BBS9: variants seen among roughly 807,000 people sequenced by gnomAD.
BBS9 encodes protein PTHB1.
Under a neutral mutation model 117.7 loss-of-function variants are expected in BBS9, and 89 were observed. The observed-to-expected ratio is 0.76, with a 90% CI of 0.64 to 0.90. The LOEUF is 0.90. BBS9 is among the 40% of genes least tolerant of loss of function. The probability of loss-of-function intolerance (pLI) is 0.00; values close to 1 mark genes in which losing one functional copy is unlikely to be tolerated. For missense variants in BBS9, 982 were observed against 1,042.2 expected, an observed-to-expected ratio of 0.94 and a Z score of 0.80; for synonymous variants, 379 against 370.9, an observed-to-expected ratio of 1.02 and a Z score of -0.25.
At chr7:33,387,306 T>G (rs928670885) in intron 18 of BBS9, among the ~76,000 whole-genome samples, 1 of 152,180 alleles carries the variant, frequency 6.6e-6, no homozygotes, top group Non-Finnish European at 1.5e-5. Context: ...TATGTAAAAC[T>G]TTGCCCATTT....
chr7:33,146,531 C>A (rs534944325), intron 2 of BBS9, among the ~76,000 whole-genome samples, 167 bp downstream of exon 2: 1 of 152,004 alleles, frequency 6.6e-6, no homozygotes, highest in African/African-American at 2.4e-5. Context: ...GAAACACTGT[C>A]TCTACTAAAA....
At chr7:33,352,551 T>A (rs1818857519) in intron 14 of BBS9, among the ~76,000 whole-genome samples, 1 of 152,234 alleles carries the variant, frequency 6.6e-6, no homozygotes, top group South Asian at 2.1e-4. Flanking sequence ...GAGTCTTTTT[T>A]GCTGTTTGGC....
intron 7 of BBS9, 146 bp from the exon 8 acceptor site, chr7:33,272,864 TAA>T: frequency 1.2e-6 from 1 of 823,338 alleles, no homozygotes; most frequent in Non-Finnish European, 2.0e-6. Context: ...GTCATAGTGA[TAA>T]AAAAAAGAAT....
intron 19 of BBS9, among the ~76,000 whole-genome samples, chr7:33,441,744 G>T (rs1210806082): frequency 2.0e-5 from 3 of 152,010 alleles, no homozygotes; most frequent in Non-Finnish European, 2.9e-5. Context: ...TTTTTGATTT[G>T]ATTTCTTTCC....
intron 4 of BBS9, among the ~76,000 whole-genome samples, chr7:33,173,452 G>A (rs966013434): frequency 2.6e-5 from 4 of 151,716 alleles, no homozygotes; most frequent in Non-Finnish European, 5.9e-5. Flanking sequence ...GTGGTGGCAG[G>A]TCCCAGCTAC....
rs567772730 is a variant in BBS9, at chr7:33,554,894, G to A, written c.2521+20718G>A. On this transcript the variant is annotated intron_variant, in intron 21 of 22. Coordinates refer to ENST00000242067, the MANE Select transcript of BBS9 (RefSeq NM_198428.3). ...CAACATCGGAAATTGAAGAGAAGCA[G>A]CCAAGGAATGAGAAAGAGGAAAACT... Among the ~76,000 whole-genome samples, 3 of 152,274 alleles carry A rather than the reference G, an allele frequency of 2.0e-5. No homozygotes were observed. In the South Asian group the frequency reaches 6.2e-4, roughly 32 times the overall value.
intron 21 of BBS9, among the ~76,000 whole-genome samples, chr7:33,589,174 G>A (rs1045993975): frequency 6.6e-6 from 1 of 152,030 alleles, no homozygotes; most frequent in East Asian, 1.9e-4. Flanking sequence ...GACTCCCAGT[G>A]GTTGCCTGAA....
chr7:33,544,468 G>T (rs1852949099), intron 21 of BBS9, among the ~76,000 whole-genome samples: 1 of 152,060 alleles, frequency 6.6e-6, no homozygotes, highest in Non-Finnish European at 1.5e-5. Context: ...TTCTCTTCTG[G>T]GTCTTAGCCA....
chr7:33,246,679 G>T (rs2128293225), intron 5 of BBS9, among the ~76,000 whole-genome samples: 1 of 152,126 alleles, frequency 6.6e-6, no homozygotes, highest in Admixed American at 6.5e-5. Context: ...GAGAAGAAAG[G>T]AATGCTAAAG....
chr7:33,407,412 C>T (rs1383375557), intron 19 of BBS9, among the ~76,000 whole-genome samples: 1 of 152,212 alleles, frequency 6.6e-6, no homozygotes, highest in African/African-American at 2.4e-5. Context: ...GTTTGATCGT[C>T]TGAAGCCTTC....
chr7:33,372,249 G>A (rs1485446627), intron 17 of BBS9, among the ~76,000 whole-genome samples: 1 of 152,112 alleles, frequency 6.6e-6, no homozygotes, highest in Non-Finnish European at 1.5e-5. Flanking sequence ...GACCAATGGG[G>A]ACAAAGATTT....
intron 9 of BBS9, among the ~76,000 whole-genome samples, chr7:33,287,274 G>A (rs1378009404): frequency 6.6e-6 from 1 of 152,124 alleles, no homozygotes; most frequent in African/African-American, 2.4e-5. Flanking sequence ...AGCTACATTG[G>A]TAGCTTATTC....
intron 17 of BBS9, chr7:33,380,761 T>A (rs1468413174): frequency 2.0e-5 from 3 of 152,804 alleles, no homozygotes. Context: ...GTGTGCAACT[T>A]TTTCATCTAT....
At chr7:33,620,602 A>C (rs1363731103) in intron 21 of BBS9, among the ~76,000 whole-genome samples, 1 of 152,140 alleles carries the variant, frequency 6.6e-6, no homozygotes, top group Non-Finnish European at 1.5e-5. Context: ...AAAAACACAA[A>C]TGAAAAAATA....
intron 21 of BBS9, among the ~76,000 whole-genome samples, chr7:33,548,942 C>G (rs1269553723): frequency 1.3e-5 from 2 of 151,168 alleles, no homozygotes; most frequent in Non-Finnish European, 2.9e-5. Flanking sequence ...AGTTCATATG[C>G]AACCAAAAAA....
intron 19 of BBS9, among the ~76,000 whole-genome samples, chr7:33,473,090 G>A (rs1841292421): frequency 1.3e-5 from 2 of 152,078 alleles, no homozygotes; most frequent in Admixed American, 6.5e-5. Flanking sequence ...GGAAGATTTT[G>A]TCATTCATGA....
At chr7:33,310,853 A>T in intron 9 of BBS9, among the ~76,000 whole-genome samples, 1 of 152,196 alleles carries the variant, frequency 6.6e-6, no homozygotes, top group East Asian at 1.9e-4. Context: ...CCCCTTCTCT[A>T]TGCCAGCCAC....
Position 33,368,891 on chromosome 7 carries a change from T to C in BBS9, c.1789+1029T>C, listed in dbSNP as rs149440746. On this transcript the variant is annotated intron_variant, in intron 17 of 22. Transcript: ENST00000242067. ...TCAATTGGTGACTGGTAAAATAGAC[T>C]CAGATACTATTGAAGACTCAATAAT... Among the ~76,000 whole-genome samples the C allele has an allele frequency of 2.2e-4, 34 of 152,196 alleles. No homozygotes were observed. The East Asian group carries it at 6.6e-3, about 29-fold the overall frequency.
At chr7:33,383,972 T>TCACGAAA in intron 18 of BBS9, 134 bp downstream of exon 18, 1 of 947,256 alleles carries the variant, frequency 1.1e-6, no homozygotes, top group Non-Finnish European at 1.6e-6. Context: ...GATGGTGGAT[T>TCACGAAA]TCGTGAATCC....
Sources: gnomAD v4.1 joint callset for allele counts (sites outside exome capture counted in the v4.1 genomes callset) on GRCh38, gnomAD v4.1.1 for gene constraint, MANE v1.5 for transcripts, NCBI Gene and HGNC (gene_info 2026-07-23, HGNC 2026-07-21) for gene names.